The following SHPRH variants were observed in gnomAD, a reference collection of about 807,000 sequenced individuals.
SHPRH encodes the protein E3 ubiquitin-protein ligase SHPRH.
Under a neutral mutation model 202.5 loss-of-function variants are expected in SHPRH, and 106 were observed. The observed-to-expected ratio is 0.52, with a 90% confidence interval of 0.45 to 0.62. SHPRH has a LOEUF of 0.62. Ranked by LOEUF, SHPRH falls within the 20% of genes least tolerant of loss-of-function variation. The pLI is 0.00. For synonymous variants in SHPRH, 729 were observed against 686.0 expected (o/e 1.06, Z -0.98); for missense variants, 1,710 against 2,020.0 (o/e 0.85, Z 2.94).
chr6:145,859,607 T>C (rs1009614757), downstream of SHPRH, among the ~76,000 whole-genome samples: 3 of 151,982 alleles, frequency 2.0e-5, no homozygotes, highest in Admixed American at 6.5e-5. Context: ...ACAGCAACCA[T>C]TGTAAAAGTC....
downstream of SHPRH, chr6:145,884,348 T>G (rs1391961411): frequency 6.6e-6 from 1 of 152,210 alleles, no homozygotes; most frequent in Non-Finnish European, 1.5e-5. Context: ...AAAAAGGCTA[T>G]GACGTTAGGT....
intron 11 of SHPRH, among the ~76,000 whole-genome samples, chr6:145,937,141 G>A (rs774267631): frequency 4.0e-5 from 6 of 151,788 alleles, no homozygotes; most frequent in South Asian, 2.1e-4. Flanking sequence ...CTGCCACCAT[G>A]TCCAGCTAAT....
chr6:145,919,190 G>T, intron 22 of SHPRH, 158 bp downstream of exon 22: 1 of 983,296 alleles, frequency 1.0e-6, no homozygotes, highest in Non-Finnish European at 1.5e-6. Flanking sequence ...GACCATTTTT[G>T]GTCTATAAAG....
At chr6:145,944,335 G>A (rs959841658) in intron 8 of SHPRH, among the ~76,000 whole-genome samples, 1 of 152,092 alleles carries the variant, frequency 6.6e-6, no homozygotes, top group Non-Finnish European at 1.5e-5. Flanking sequence ...ACACAAATAT[G>A]AACAATATTT....
intron 8 of SHPRH, among the ~76,000 whole-genome samples, chr6:145,944,302 A>G (rs1298323260): frequency 6.6e-6 from 1 of 152,152 alleles, no homozygotes; most frequent in Non-Finnish European, 1.5e-5. Flanking sequence ...ATTCTGTGCC[A>G]GTAGTTGTGT....
chr6:145,930,801 G>A (rs1187522460), intron 14 of SHPRH, among the ~76,000 whole-genome samples: 2 of 152,176 alleles, frequency 1.3e-5, no homozygotes, highest in Admixed American at 1.3e-4. Flanking sequence ...ATAACTGAGA[G>A]AGGGATGTAG....
At position 145,924,826 on chromosome 6, in the gene SHPRH, G is replaced by A; in HGVS notation, c.3315C>T (p.His1105=). 1 of 1,611,532 alleles carries A rather than the reference G, an allele frequency of 6.2e-7. No homozygotes were observed. The highest frequency in any genetic ancestry group is 8.5e-7 in the Non-Finnish European group (1 of 1,178,322). Residue 1105 remains histidine, a synonymous_variant, in exon 17 of 30, where the codon CAC becomes CAT. Transcript: ENST00000275233. ...CTTCTGTATTACACTTGCTCATGTAGTGCTCTCGCAGCTGTTTGGCCTGTG... is the reference window on the plus strand; with the variant it reads ...CTTCTGTATTACACTTGCTCATGTAATGCTCTCGCAGCTGTTTGGCCTGTG... The part of the protein sequence containing the change: ...LEEEAKQLRE[H]YMSKCNTEVA...
At position 145,943,560 on chromosome 6, in the gene SHPRH, A is replaced by C. The variant is rs1562356074; in HGVS notation, c.1821T>G (p.Ser607=). 1 of 1,614,040 alleles carries C rather than the reference A, an allele frequency of 6.2e-7. No homozygotes were observed. The highest frequency in any genetic ancestry group is 8.5e-7 in the Non-Finnish European group (1 of 1,179,934). ...TAGACATAGCAACATCAGTTATTCCAGAGTCGCTAGTAGCTGGACAGTGAC... is the reference window on the plus strand; with the variant it reads ...TAGACATAGCAACATCAGTTATTCCCGAGTCGCTAGTAGCTGGACAGTGAC... ...SQGHCPATSD[S]GITDVAMSKS... The change falls in exon 9 of 30, where the codon TCT becomes TCG. Residue 607 remains serine (S), a synonymous_variant. Coordinates refer to ENST00000275233, the MANE Select transcript of SHPRH (RefSeq NM_001042683.3).
chr6:145,868,740 G>A (rs1357309052), intron 2 of SHPRH, among the ~76,000 whole-genome samples: 3 of 152,170 alleles, frequency 2.0e-5, no homozygotes, highest in East Asian at 1.9e-4. Flanking sequence ...AGCCTCAGCC[G>A]TCAATTGTTG....
intron 16 of SHPRH, among the ~76,000 whole-genome samples, chr6:145,925,087 A>G (rs1030540655): frequency 6.6e-6 from 1 of 151,808 alleles, no homozygotes; most frequent in Admixed American, 6.6e-5. Flanking sequence ...TTGTTTGCCA[A>G]TTTCTTATTT....
intron 2 of SHPRH, among the ~76,000 whole-genome samples, chr6:145,953,378 A>G (rs745937769): frequency 1.3e-5 from 2 of 152,116 alleles, no homozygotes; most frequent in Non-Finnish European, 2.9e-5. Context: ...GAAAAACAGA[A>G]TAGATTAACA....
chr6:145,888,944 C>T (rs545872478), intron 28 of SHPRH, among the ~76,000 whole-genome samples: 1 of 152,218 alleles, frequency 6.6e-6, no homozygotes, highest in African/African-American at 2.4e-5. Flanking sequence ...CTGATCTGGG[C>T]AGGAACAGAT....
chr6:145,875,200 A>G (rs1251421000), intron 2 of SHPRH, among the ~76,000 whole-genome samples: 2 of 152,208 alleles, frequency 1.3e-5, no homozygotes, highest in Non-Finnish European at 2.9e-5. Flanking sequence ...GGCTTATGCC[A>G]GTGGTTCTTG....
At position 145,930,528 on chromosome 6, in the gene SHPRH, T is replaced by G. The variant is rs1244293715; in HGVS notation, c.3112+2529A>C. 9.8e-5 allele frequency among the ~76,000 whole-genome samples: 15 copies of G among 152,332 alleles called. No individual in the cohort carries two copies. The South Asian group carries it at 3.1e-3, about 32-fold the overall frequency. ...AAGTGTGTTATTTAATTCACAGCAT[T>G]TGCGGACTTTCCAGTTTTCCTTCTG... On this transcript the variant is annotated intron_variant, in intron 14 of 29. Transcript: ENST00000275233.
At position 145,923,781 on chromosome 6, in the gene SHPRH, T is replaced by A; in HGVS notation, c.3407A>T (p.His1136Leu). Residue 1136 changes from histidine (H) to leucine (L), a missense_variant, in exon 18 of 30, where the codon CAT becomes CTT. This residue lies in a region of SHPRH where 288 missense variants were observed against 317.8 expected (regional missense o/e 0.91). Coordinates refer to ENST00000275233, the MANE Select transcript of SHPRH (RefSeq NM_001042683.3). ...QTIHELQRKI[H>L]SNSPWWLNVI... is the part of the protein sequence containing the mutation. Reference sequence around the variant, plus strand: ...ATTTAGCCACCAAGGAGAATTAGAATGAATCTGTAAAAAAGGTAGCAGTTA... The same window carrying A: ...ATTTAGCCACCAAGGAGAATTAGAAAGAATCTGTAAAAAAGGTAGCAGTTA... The A allele has an allele frequency of 1.2e-6, 2 of 1,607,858 alleles. No individual in the cohort carries two copies. Among genetic ancestry groups the A allele is most frequent in the Non-Finnish European group, 1.7e-6 (2 of 1,176,862 alleles).
Position 145,931,778 on chromosome 6 carries a change from T to C in SHPRH, c.3112+1279A>G, listed in dbSNP as rs576736087. Reference sequence around the variant, plus strand: ...CTTCATATAATATTATACCTCTTCATATATAGGATAATAATCTTACAATAT... The same window carrying C: ...CTTCATATAATATTATACCTCTTCACATATAGGATAATAATCTTACAATAT... On this transcript the variant is annotated intron_variant, in intron 14 of 29. Transcript: ENST00000275233. 1.9e-4 allele frequency among the ~76,000 whole-genome samples: 29 copies of C among 152,298 alleles called. No homozygotes were observed. The South Asian group carries it at 5.2e-3, about 27-fold the overall frequency.
intron 13 of SHPRH, among the ~76,000 whole-genome samples, chr6:145,933,560 A>T (rs1419486820): frequency 1.3e-5 from 2 of 152,190 alleles, no homozygotes; most frequent in Non-Finnish European, 2.9e-5. Context: ...AAAAATGAAG[A>T]TCCTCTAAGG....
At chr6:145,879,594 C>T (rs964660432) in intron 2 of SHPRH, among the ~76,000 whole-genome samples, 5 of 152,094 alleles carry the variant, frequency 3.3e-5, no homozygotes, top group Non-Finnish European at 7.4e-5. Flanking sequence ...ATCCTATAGG[C>T]GCCTCTTCTG....
intron 25 of SHPRH, among the ~76,000 whole-genome samples, chr6:145,895,285 T>G (rs1165449434): frequency 1.3e-5 from 2 of 152,074 alleles, no homozygotes; most frequent in Admixed American, 6.6e-5. Context: ...TTACAAAATT[T>G]TGTTACATTA....
Sources: gnomAD v4.1 joint callset for allele counts (sites outside exome capture counted in the v4.1 genomes callset) on GRCh38, gnomAD v4.1.1 for gene constraint, gnomAD v4.1.1 regional missense constraint, MANE v1.5 for transcripts, NCBI Gene and HGNC (gene_info 2026-07-23, HGNC 2026-07-21) for gene names.